Variants in LTBP1 observed in about 807,000 individuals in gnomAD.
LTBP1 encodes the protein latent-transforming growth factor beta-binding protein 1.
Under a neutral mutation model 207.6 loss-of-function variants are expected in LTBP1, and 129 were observed. The ratio of observed to expected loss-of-function variants is 0.62; its 90% CI spans 0.54 to 0.72. The LOEUF (loss-of-function observed/expected upper bound fraction) is 0.72, where lower values mean the gene tolerates loss of function less well. LTBP1 is among the 30% of genes least tolerant of loss of function. The probability of loss-of-function intolerance (pLI) is 0.00; values close to 1 mark genes in which losing one functional copy is unlikely to be tolerated. For synonymous variants in LTBP1, 963 were observed against 833.7 expected (o/e 1.16, Z -2.67); for missense variants, 2,281 against 2,217.2 (o/e 1.03, Z -0.58).
chr2:33,329,379 A>G (rs1026094590), intron 24 of LTBP1, among the ~76,000 whole-genome samples: 5 of 152,198 alleles, frequency 3.3e-5, no homozygotes, highest in African/African-American at 1.2e-4. Context: ...TGGCAACTTC[A>G]GGTGAACTCA....
chr2:33,238,345 TCA>T (rs2092149614), intron 9 of LTBP1, among the ~76,000 whole-genome samples: 1 of 152,206 alleles, frequency 6.6e-6, no homozygotes, highest in African/African-American at 2.4e-5. Flanking sequence ...AAATTCTTAC[TCA>T]CTTTGTTAAA....
intron 3 of LTBP1, among the ~76,000 whole-genome samples, chr2:33,100,355 CAT>C (rs2079647625): frequency 6.6e-6 from 1 of 151,782 alleles, no homozygotes; most frequent in Admixed American, 6.6e-5. Context: ...GGGATAAAGA[CAT>C]ATTTGAAATT....
chr2:32,962,640 C>T (rs975494371), intron 2 of LTBP1, among the ~76,000 whole-genome samples: 1 of 152,192 alleles, frequency 6.6e-6, no homozygotes, highest in African/African-American at 2.4e-5. Flanking sequence ...ATGTATATTA[C>T]AACAAATGTC....
chr2:33,326,091 C>T (rs1041581754), intron 24 of LTBP1, among the ~76,000 whole-genome samples: 1 of 147,310 alleles, frequency 6.8e-6, no homozygotes, highest in Non-Finnish European at 1.5e-5. Context: ...AAAAAAAAAA[C>T]AGTGTTTTGT....
chr2:33,036,361 C>T (rs927510367), intron 3 of LTBP1, among the ~76,000 whole-genome samples: 3 of 152,120 alleles, frequency 2.0e-5, no homozygotes, highest in Admixed American at 6.5e-5. Context: ...TTACAGTAGC[C>T]CATTATGTCA....
At position 33,225,530 on chromosome 2, in the gene LTBP1, A is replaced by G. The variant is rs572012291; in HGVS notation, c.1876+3379A>G. Among the ~76,000 whole-genome samples the G allele has an allele frequency of 3.9e-5, 6 of 152,308 alleles. No individual in the cohort carries two copies. The East Asian group carries it at 7.7e-4, about 20-fold the overall frequency. On this transcript the variant is annotated intron_variant, in intron 9 of 33. Transcript: ENST00000404816. Reference sequence around the variant, plus strand: ...AGAGAACTTGTGCAGGGGAACACCTATATTTAAAACCATCAGATCTTGTGA... The same window carrying G: ...AGAGAACTTGTGCAGGGGAACACCTGTATTTAAAACCATCAGATCTTGTGA...
At position 33,217,488 on chromosome 2, in the gene LTBP1, A is replaced by G. The variant is rs2090797823; in HGVS notation, c.1702-64A>G. 3 of 1,087,818 alleles carry G rather than the reference A, an allele frequency of 2.8e-6. No individual in the cohort carries two copies. The East Asian group carries it at 7.1e-5, about 26-fold the overall frequency. The allele number at this position is 1,087,818 out of a possible 1,614,324, so 67.4% of individuals were successfully genotyped here. ...TTATAGCGTGGCTGTGAGGGACAGC[A>G]GTGCTCTGGGGCTGGGCATCCTGCA... On this transcript the variant is annotated intron_variant, in intron 7 of 33. Coordinates refer to ENST00000404816, the MANE Select transcript of LTBP1 (RefSeq NM_206943.4).
At chr2:33,192,961 A>G (rs976934977) in intron 7 of LTBP1, among the ~76,000 whole-genome samples, 2 of 151,800 alleles carry the variant, frequency 1.3e-5, no homozygotes, top group Non-Finnish European at 2.9e-5. Flanking sequence ...ATGAGGGAAG[A>G]CCCTCTTATT....
intron 9 of LTBP1, among the ~76,000 whole-genome samples, chr2:33,231,439 G>T (rs948630190): frequency 2.0e-5 from 3 of 152,090 alleles, no homozygotes; most frequent in African/African-American, 7.2e-5. Flanking sequence ...TGTTTTCAGG[G>T]GGCATATCTG....
chr2:32,970,448 A>G (rs1475134303), intron 2 of LTBP1, among the ~76,000 whole-genome samples: 1 of 152,106 alleles, frequency 6.6e-6, no homozygotes, highest in East Asian at 1.9e-4. Flanking sequence ...TGGTGTAAGG[A>G]AGGGGTTCAG....
intron 5 of LTBP1, among the ~76,000 whole-genome samples, chr2:33,143,346 C>T (rs567768196): frequency 1.3e-3 from 205 of 152,288 alleles, no homozygotes; most frequent in African/African-American, 4.0e-3. Flanking sequence ...CACAGTGCCT[C>T]GCTTTGGAGA....
At chr2:33,109,779 T>C (rs2150246928) in intron 3 of LTBP1, among the ~76,000 whole-genome samples, 1 of 152,376 alleles carries the variant, frequency 6.6e-6, no homozygotes, top group African/African-American at 2.4e-5. Context: ...AACATTATTA[T>C]GTTTTTAGTT....
intron 5 of LTBP1, among the ~76,000 whole-genome samples, chr2:33,175,077 C>G (rs2085887236): frequency 1.3e-5 from 2 of 152,054 alleles, no homozygotes; most frequent in African/African-American, 2.4e-5. Context: ...TAGGCATTAC[C>G]ATTCAGGACA....
At chr2:32,993,559 C>T (rs79161759) in intron 2 of LTBP1, among the ~76,000 whole-genome samples, 353 of 152,282 alleles carry the variant, frequency 2.3e-3, no homozygotes, top group African/African-American at 8.1e-3. Context: ...TTAGAAAAAG[C>T]CTATTGTTAA....
At chr2:33,002,890 C>A (rs1489115337) in intron 2 of LTBP1, among the ~76,000 whole-genome samples, 1 of 152,092 alleles carries the variant, frequency 6.6e-6, no homozygotes, top group Non-Finnish European at 1.5e-5. Flanking sequence ...GTTGGCCAGG[C>A]TGATCTTGAA....
chr2:33,262,712 A>C lies in LTBP1; in HGVS notation c.2419-10A>C. On this transcript the variant is annotated splice_polypyrimidine_tract_variant and intron_variant, in intron 13 of 33. Transcript: ENST00000404816. The stretch of plus-strand genomic sequence containing the variant: ...TTTTTCTTATTCTCTTTTAAAATAC[A>C]ACCATCCAGGAAATACCTTCATTGG... The C allele has an allele frequency of 6.8e-7, 1 of 1,465,012 alleles. No individual in the cohort carries two copies. The allele number at this position is 1,465,012 out of a possible 1,614,324, so 90.8% of individuals were successfully genotyped here.
chr2:33,192,972 A>G (rs942687969), intron 7 of LTBP1, among the ~76,000 whole-genome samples: 1 of 152,056 alleles, frequency 6.6e-6, no homozygotes, highest in African/African-American at 2.4e-5. Context: ...CCCTCTTATT[A>G]GGTCCCATAC....
rs200209189 is a variant in LTBP1, at chr2:33,140,669, A to ATTT, written c.1201+5722_1201+5724dup. On this transcript the variant is annotated intron_variant, in intron 5 of 33. Coordinates refer to ENST00000404816, the MANE Select transcript of LTBP1 (RefSeq NM_206943.4). ...ATTTATTTATTTTATTAATTAATTA[A>ATTT]TTTTTTTTTTTTTTTGAGATAGAGT... Among the ~76,000 whole-genome samples, 59 of 141,706 alleles carry ATTT rather than the reference A, an allele frequency of 4.2e-4. 1 individual carries two copies. Among genetic ancestry groups the ATTT allele is most frequent in the East Asian group, 3.7e-3 (18 of 4,840 alleles). 93.0% of individuals were successfully genotyped at this position (141,706 alleles called of 152,430 possible). A position where few individuals can be genotyped will look rare whatever the true frequency, so the allele number is the denominator to read the frequency against.
At chr2:33,275,419 C>T (rs188112508) in intron 17 of LTBP1, among the ~76,000 whole-genome samples, 1 of 152,166 alleles carries the variant, frequency 6.6e-6, no homozygotes, top group Non-Finnish European at 1.5e-5. Context: ...GCGCCATGGC[C>T]CACACCTGTA....
Sources: allele counts gnomAD v4.1 joint callset (sites outside exome capture counted in the v4.1 genomes callset), GRCh38; gene constraint gnomAD v4.1.1; transcripts MANE v1.5; gene names NCBI Gene and HGNC (gene_info 2026-07-23, HGNC 2026-07-21).